The following RHOT1 variants were observed in gnomAD, a reference collection of about 807,000 sequenced individuals.
RHOT1 encodes mitochondrial Rho GTPase 1.
RHOT1 carries 27 observed loss-of-function variants against 95.3 expected under a neutral mutation model. The observed-to-expected ratio is 0.28, with a 90% CI of 0.21 to 0.39. The LOEUF (loss-of-function observed/expected upper bound fraction) is 0.39. Ranked by LOEUF, RHOT1 falls within the 10% of genes least tolerant of loss-of-function variation. The probability of loss-of-function intolerance (pLI) is 1.00; values close to 1 mark genes in which losing one functional copy is unlikely to be tolerated. For missense variants in RHOT1, 578 were observed against 786.7 expected, an observed-to-expected ratio of 0.73 and a Z score of 3.17; for synonymous variants, 227 against 263.5, an observed-to-expected ratio of 0.86 and a Z score of 1.34.
At chr17:32,172,339 C>G (rs1041387666) in intron 2 of RHOT1, among the ~76,000 whole-genome samples, 2 of 152,094 alleles carry the variant, frequency 1.3e-5, no homozygotes, top group Admixed American at 6.6e-5. Flanking sequence ...TATAATTACT[C>G]TGGGTATAAC....
At chr17:32,155,222 C>T (rs938187277) in intron 1 of RHOT1, among the ~76,000 whole-genome samples, 5 of 152,024 alleles carry the variant, frequency 3.3e-5, no homozygotes, top group Non-Finnish European at 7.4e-5. Context: ...TGCAGTGGCG[C>T]GATCTCGGCT....
intron 14 of RHOT1, 69 bp downstream of exon 14, chr17:32,201,125 A>T (rs2037286044): frequency 9.0e-6 from 8 of 887,064 alleles, no homozygotes; most frequent in Non-Finnish European, 1.4e-5. Flanking sequence ...CAAATGTAAC[A>T]AAGAGTAAGA....
At chr17:32,172,735 G>A (rs1392545108) in intron 2 of RHOT1, among the ~76,000 whole-genome samples, 4 of 152,246 alleles carry the variant, frequency 2.6e-5, no homozygotes, top group African/African-American at 9.6e-5. Context: ...GGAGGCTGAG[G>A]CAGGAGAATA....
chr17:32,183,563 T>G (rs569406015), intron 8 of RHOT1, among the ~76,000 whole-genome samples: 2 of 152,340 alleles, frequency 1.3e-5, no homozygotes, highest in East Asian at 3.9e-4. Context: ...ACTTAGCTAA[T>G]GGTCTTCTTG....
In RHOT1 at chr17:32,173,834, C is replaced by T; in HGVS notation, c.100C>T (p.Pro34Ser). Residue 34 changes from proline (P) to serine (S), a missense_variant, in exon 3 of 20, where the codon CCT becomes TCT. By Grantham distance (74) the Pro-to-Ser change is moderately conservative. Around this residue, in one of 4 missense-constraint regions of RHOT1, gnomAD observed 51 missense variants for 114.7 expected, o/e 0.44. Transcript: ENST00000545287. Reference protein sequence around the residue: ...LVSEEFPEEVPPRAEEITIPA... With the variant: ...LVSEEFPEEVSPRAEEITIPA... ...CTATATTTGTTTGTAAATGAAGGTTCCTCCCCGGGCAGAAGAAATCACCAT... is the reference window on the plus strand; with the variant it reads ...CTATATTTGTTTGTAAATGAAGGTTTCTCCCCGGGCAGAAGAAATCACCAT... The T allele has an allele frequency of 1.3e-6, 2 of 1,590,100 alleles. No homozygotes were observed. The highest frequency in any genetic ancestry group is 8.6e-7 in the Non-Finnish European group (1 of 1,167,482).
At chr17:32,164,620 CTTTGGGAGGCTGAGGCAG>C (rs1298967985) in intron 1 of RHOT1, among the ~76,000 whole-genome samples, 1 of 151,850 alleles carries the variant, frequency 6.6e-6, no homozygotes, top group Non-Finnish European at 1.5e-5. Flanking sequence ...AGTCCCAGCA[CTTTGGGAGGCTGAGGCAG>C]ATGGATGTCG....
chr17:32,218,004 A>G (rs1414365682), intron 19 of RHOT1, among the ~76,000 whole-genome samples: 1 of 151,710 alleles, frequency 6.6e-6, no homozygotes, highest in African/African-American at 2.4e-5. Context: ...CTGGGATTAC[A>G]GGTATGCACC....
chr17:32,173,836 TC>T lies in RHOT1; in HGVS notation c.106del (p.Arg36GlyfsTer21). 2 of 1,603,280 alleles carry T rather than the reference TC, an allele frequency of 1.2e-6. No homozygotes were observed. The highest frequency in any genetic ancestry group is 1.7e-6 in the Non-Finnish European group (2 of 1,173,636). ...VSEEFPEEVP[P>X]RAEEITIPAD... ...ATATTTGTTTGTAAATGAAGGTTCCTCCCCGGGCAGAAGAAATCACCATTCC... is the reference window on the plus strand; with the variant it reads ...ATATTTGTTTGTAAATGAAGGTTCCTCCCGGGCAGAAGAAATCACCATTCC... On this transcript the variant is annotated frameshift_variant, in exon 3 of 20. Transcript: ENST00000545287. LOFTEE classifies it high-confidence loss of function.
chr17:32,185,180 T>C (rs2035942072), intron 8 of RHOT1, among the ~76,000 whole-genome samples: 1 of 152,012 alleles, frequency 6.6e-6, no homozygotes. Context: ...GTGCGATCTC[T>C]GTGCACCACA....
At chr17:32,166,978 C>T (rs1021006963) in intron 1 of RHOT1, among the ~76,000 whole-genome samples, 2 of 152,164 alleles carry the variant, frequency 1.3e-5, no homozygotes, top group African/African-American at 4.8e-5. Context: ...CCACATCCAT[C>T]AGAGGAATCA....
intron 1 of RHOT1, among the ~76,000 whole-genome samples, chr17:32,148,412 G>GT (rs1244696790): frequency 6.6e-6 from 1 of 152,202 alleles, no homozygotes; most frequent in East Asian, 1.9e-4. Flanking sequence ...TATTCTGTTC[G>GT]TACAGAGTCC....
intron 1 of RHOT1, among the ~76,000 whole-genome samples, chr17:32,143,370 AACTC>A (rs2030747526): frequency 6.6e-6 from 1 of 152,240 alleles, no homozygotes; most frequent in Non-Finnish European, 1.5e-5. Context: ...GCATTGGACT[AACTC>A]CTCGTACTCG....
At chr17:32,175,424 C>A in intron 4 of RHOT1, 62 bp downstream of exon 4, 1 of 1,406,290 alleles carries the variant, frequency 7.1e-7, no homozygotes, top group Non-Finnish European at 1.0e-6. Flanking sequence ...ATTTTATGAG[C>A]CTGCCTTTTT....
intron 19 of RHOT1, among the ~76,000 whole-genome samples, chr17:32,213,631 A>G (rs2038270897): frequency 6.6e-6 from 1 of 152,248 alleles, no homozygotes; most frequent in Admixed American, 6.5e-5. Context: ...TTATCTAATT[A>G]GCAAGCAACA....
At chr17:32,206,847 A>G in intron 16 of RHOT1, 63 bp from the exon 17 acceptor site, 2 of 1,178,974 alleles carry the variant, frequency 1.7e-6, no homozygotes, top group Non-Finnish European at 2.4e-6. Context: ...GTAATAAGCT[A>G]TCATGACTTA....
intron 1 of RHOT1, 153 bp downstream of exon 1, chr17:32,142,882 C>A: frequency 1.3e-6 from 1 of 768,068 alleles, no homozygotes; most frequent in Non-Finnish European, 2.3e-6. Context: ...GTTCCTAGGC[C>A]TTCCAGCCCC....
intron 6 of RHOT1, among the ~76,000 whole-genome samples, chr17:32,180,948 G>C (rs2035588749): frequency 6.6e-6 from 1 of 152,220 alleles, no homozygotes; most frequent in African/African-American, 2.4e-5. Context: ...GCCTCCCAAA[G>C]TGCTGAAATT....
intron 1 of RHOT1, among the ~76,000 whole-genome samples, chr17:32,161,141 A>G (rs976294377): frequency 1.1e-4 from 17 of 152,338 alleles, no homozygotes; most frequent in African/African-American, 4.1e-4. Flanking sequence ...TAAATGTATC[A>G]CGCAAATTAG....
chr17:32,192,328 G>GTA, intron 9 of RHOT1, 29 bp downstream of exon 9: 26 of 936,924 alleles, frequency 2.8e-5, no homozygotes, highest in Non-Finnish European at 3.7e-5. Flanking sequence ...AGACATTTGC[G>GTA]TATCTTTTTT....
Sources: gnomAD v4.1 joint callset for allele counts (sites outside exome capture counted in the v4.1 genomes callset) on GRCh38, gnomAD v4.1.1 for gene constraint, gnomAD v4.1.1 regional missense constraint, MANE v1.5 for transcripts, NCBI Gene and HGNC (gene_info 2026-07-23, HGNC 2026-07-21) for gene names.